Variants in ACSM3 observed in about 807,000 individuals in gnomAD.
ACSM3 encodes acyl-coenzyme A synthetase ACSM3, mitochondrial.
In ACSM3, 61 loss-of-function variants were observed where a neutral mutation model predicts 74.1. That is an observed-to-expected ratio of 0.82 (90% CI 0.67 to 1.02). The LOEUF (loss-of-function observed/expected upper bound fraction) is 1.02. Among genes scored for constraint, ACSM3 ranks in the 50% least tolerant of loss-of-function variants. The probability of loss-of-function intolerance (pLI) is 0.00; values close to 1 mark genes in which losing one functional copy is unlikely to be tolerated. For missense variants in ACSM3, 660 were observed against 697.0 expected (o/e 0.95, Z 0.60); for synonymous variants, 213 against 241.5 (o/e 0.88, Z 1.09).
At chr16:20,770,284 T>A in intron 2 of ACSM3, 31 bp downstream of exon 2, 1 of 1,575,748 alleles carries the variant, frequency 6.3e-7, no homozygotes, top group Non-Finnish European at 8.7e-7. Flanking sequence ...AGACCACAAT[T>A]TCTCAACTGG....
At chr16:20,716,042 G>A (rs11647225) in intron 1 of ACSM3, among the ~76,000 whole-genome samples, 19,808 of 112,776 alleles carry the variant, frequency 0.18, 1,359 homozygotes, top group South Asian at 0.26. Flanking sequence ...TGGTGGCTAA[G>A]TTACCCCCCA....
chr16:20,729,414 C>A, intron 1 of ACSM3: 1 of 957,000 alleles, frequency 1.0e-6, no homozygotes, highest in Non-Finnish European at 1.7e-6. Flanking sequence ...AGCTCTCCTA[C>A]TGGAGGATGT....
chr16:20,746,709 A>T, intron 1 of ACSM3, among the ~76,000 whole-genome samples: 1 of 152,136 alleles, frequency 6.6e-6, no homozygotes. Flanking sequence ...TTTTAAACCA[A>T]TGTGAACTTG....
chr16:20,719,546 T>C (rs1177998843), intron 1 of ACSM3, among the ~76,000 whole-genome samples: 1 of 152,038 alleles, frequency 6.6e-6, no homozygotes, highest in Admixed American at 6.6e-5. Context: ...GAAATGTGTT[T>C]AACAGAGTGG....
At chr16:20,724,918 G>T (rs1452538931) in intron 1 of ACSM3, among the ~76,000 whole-genome samples, 1 of 152,168 alleles carries the variant, frequency 6.6e-6, no homozygotes, top group East Asian at 1.9e-4. Flanking sequence ...CATGCTCATG[G>T]GTAGGAAGAA....
Position 20,755,780 on chromosome 16 carries a change from C to A in ACSM3, c.-52+164C>A, listed in dbSNP as rs1402294360. On this transcript the variant is annotated intron_variant, in intron 3 of 3. Coordinates refer to the ACSM3 transcript ENST00000561584. ...AGGTATATCTCCTAATGCTATCCCTCCCCCCCCCCCACCCCACAGCAGTCC... is the reference window on the plus strand; with the variant it reads ...AGGTATATCTCCTAATGCTATCCCTACCCCCCCCCCACCCCACAGCAGTCC... Among the ~76,000 whole-genome samples, 103 of 18,362 alleles carry A rather than the reference C, an allele frequency of 5.6e-3. No individual in the cohort carries two copies. The East Asian group carries it at 0.085, about 15-fold the overall frequency. 12.0% of individuals were successfully genotyped at this position (18,362 alleles called of 152,430 possible).
chr16:20,790,620 G>A lies in ACSM3; in HGVS notation c.1258G>A (p.Gly420Arg), dbSNP rs2080576298. ...TGTAAATGGCAATGTTCTACCTCCT[G>A]GACAAGAAGGAGATATTGGCATTCA... The part of the protein sequence containing the change: ...VDVNGNVLPP[G>R]QEGDIGIQVL... Residue 420 changes from glycine to arginine, a missense_variant, in exon 10 of 14, where the codon GGA becomes AGA. Physicochemically the swap from Gly to Arg is moderately radical, Grantham distance 125. Coordinates refer to ENST00000289416, the MANE Select transcript of ACSM3 (RefSeq NM_005622.4). This position sits in a 1 kb window ranked among gnomAD's most constrained non-coding sequence, Gnocchi z 4.0. 2 of 1,614,054 alleles carry A rather than the reference G, an allele frequency of 1.2e-6. No individual in the cohort carries two copies. The highest frequency in any genetic ancestry group is 1.7e-6 in the Non-Finnish European group (2 of 1,179,954).
rs532034300 is a variant in ACSM3 at position 20,741,344 on chromosome 16, G to A, written c.-189-8566G>A. On this transcript the variant is annotated intron_variant, in intron 1 of 3. Transcript: ENST00000561584. ...CAAAACCGATAGCACCGAAGTCTGC[G>A]AGCGTCTCAGGACTAGGGACGGAAA... Among the ~76,000 whole-genome samples, 126 of 152,218 alleles carry A rather than the reference G, an allele frequency of 8.3e-4. 1 individual carries two copies. The highest frequency in any genetic ancestry group is 1.4e-3 in the Non-Finnish European group (96 of 68,042).
intron 1 of ACSM3, among the ~76,000 whole-genome samples, chr16:20,767,975 T>C (rs2080145744): frequency 6.6e-6 from 1 of 152,198 alleles, no homozygotes; most frequent in Non-Finnish European, 1.5e-5. Flanking sequence ...ATGCCAAAAT[T>C]TATTTATGTA....
chr16:20,741,568 C>T, intron 1 of ACSM3: 5 of 1,581,702 alleles, frequency 3.2e-6, no homozygotes, highest in Non-Finnish European at 3.4e-6. Context: ...GCCTCCTCCA[C>T]GCACTTGCGC....
Position 20,797,112 on chromosome 16 carries a change from T to C in ACSM3, c.*140T>C, listed in dbSNP as rs542000693. ...GATTTAAAATATCTTGTGGTTATGATATCAGAGGCTAAATTTTGAAATAAA... is the reference window on the plus strand; with the variant it reads ...GATTTAAAATATCTTGTGGTTATGACATCAGAGGCTAAATTTTGAAATAAA... On this transcript the variant is annotated 3_prime_UTR_variant, in exon 14 of 14. Coordinates refer to ENST00000289416, the MANE Select transcript of ACSM3 (RefSeq NM_005622.4). The C allele has an allele frequency of 1.4e-6, 2 of 1,383,264 alleles. No individual in the cohort carries two copies. The highest frequency in any genetic ancestry group is 3.0e-5 in the African/African-American group (2 of 66,568). 85.7% of individuals were successfully genotyped at this position (1,383,264 alleles called of 1,614,324 possible). A position where few individuals can be genotyped will look rare whatever the true frequency, so the allele number is the denominator to read the frequency against.
At chr16:20,749,032 C>A (rs1292154753) in intron 1 of ACSM3, among the ~76,000 whole-genome samples, 1 of 151,772 alleles carries the variant, frequency 6.6e-6, no homozygotes, top group Non-Finnish European at 1.5e-5. Flanking sequence ...TGCACTCTAG[C>A]CTGGGTGACA....
intron 1 of ACSM3, among the ~76,000 whole-genome samples, chr16:20,691,919 A>G (rs2079658163): frequency 6.6e-6 from 1 of 152,008 alleles, no homozygotes; most frequent in Non-Finnish European, 1.5e-5. Context: ...TACAGGCGAG[A>G]ATGAAACTGA....
chr16:20,772,059 A>G (rs2080200178), intron 2 of ACSM3, among the ~76,000 whole-genome samples: 1 of 152,040 alleles, frequency 6.6e-6, no homozygotes, highest in Admixed American at 6.6e-5. Context: ...TTCAGATTCT[A>G]TGTCCATTTT....
chr16:20,685,037 G>A lies in ACSM3; in HGVS notation c.-190+10215G>A, dbSNP rs1416295115. Among the ~76,000 whole-genome samples the A allele has an allele frequency of 3.3e-5, 5 of 152,222 alleles. No individual in the cohort carries two copies. The East Asian group carries it at 7.7e-4, about 23-fold the overall frequency. ...CTAATTAAACTGATAATTCCCACAG[G>A]GCAGGAAGCCTTGCTTTGTGGTCCC... On this transcript the variant is annotated intron_variant, in intron 1 of 3. Coordinates refer to the ACSM3 transcript ENST00000561584.
In ACSM3 at chr16:20,777,524, G is replaced by A; in HGVS notation, c.582G>A (p.Lys194=). 1.2e-6 allele frequency: 2 copies of A among 1,614,082 alleles called. No homozygotes were observed. Among genetic ancestry groups the A allele is most frequent in the Admixed American group, 1.7e-5 (1 of 60,016 alleles). The change falls in exon 4 of 14, where the codon AAG becomes AAA. Residue 194 remains lysine (K), a synonymous_variant. Transcript: ENST00000289416. ...VASKCENLHS[K]LIVSENSREG... ...CCAAATGTGAAAATCTGCACTCCAA[G>A]CTGATTGTATCAGAGAACTCCAGAG...
intron 1 of ACSM3, among the ~76,000 whole-genome samples, chr16:20,705,987 T>A (rs923120563): frequency 6.6e-6 from 1 of 152,150 alleles, no homozygotes; most frequent in African/African-American, 2.4e-5. Flanking sequence ...CTAAGAAATT[T>A]AGCATACTTG....
At chr16:20,730,633 G>A (rs2079824317) in intron 1 of ACSM3, among the ~76,000 whole-genome samples, 1 of 152,044 alleles carries the variant, frequency 6.6e-6, no homozygotes, top group Non-Finnish European at 1.5e-5. Context: ...CTCAGAAATA[G>A]TTTCCTCCTG....
chr16:20,749,048 G>A lies in ACSM3; in HGVS notation c.-189-862G>A, dbSNP rs574428524. 3.1e-3 allele frequency among the ~76,000 whole-genome samples: 467 copies of A among 151,928 alleles called. 4 individuals carry two copies. Among genetic ancestry groups the A allele is most frequent in the Non-Finnish European group, 2.8e-3 (192 of 67,980 alleles). On this transcript the variant is annotated intron_variant, in intron 1 of 3. Coordinates refer to the ACSM3 transcript ENST00000561584. ...GCACTCTAGCCTGGGTGACAAGAGC[G>A]AAACTCCGTCTCCACAAAAAAAGAA...
Sources: gnomAD v4.1 joint callset for allele counts (sites outside exome capture counted in the v4.1 genomes callset) on GRCh38, gnomAD v4.1.1 for gene constraint, Gnocchi (gnomAD v3.1) non-coding constraint, MANE v1.5 for transcripts, NCBI Gene and HGNC (gene_info 2026-07-23, HGNC 2026-07-21) for gene names.